The following CNTN4 variants were observed in gnomAD, a reference collection of about 807,000 sequenced individuals.
The protein encoded by CNTN4 is contactin 4.
CNTN4 carries 77 observed loss-of-function variants against 122.5 expected under a neutral mutation model. The observed-to-expected ratio is 0.63, with a 90% CI of 0.52 to 0.76. The LOEUF (loss-of-function observed/expected upper bound fraction) is 0.76, where lower values mean the gene tolerates loss of function less well. CNTN4 is among the 30% of genes least tolerant of loss of function. CNTN4 has a pLI of 0.00. For synonymous variants in CNTN4, 512 were observed against 447.0 expected (o/e 1.15, Z -1.83); for missense variants, 1,256 against 1,259.1 (o/e 1.00, Z 0.04).
intron 4 of CNTN4, among the ~76,000 whole-genome samples, chr3:2,654,617 G>C (rs1046244007): frequency 6.6e-6 from 1 of 152,132 alleles, no homozygotes; most frequent in Non-Finnish European, 1.5e-5. Flanking sequence ...CAAGCATTCA[G>C]CCCTGCTCAC....
chr3:2,542,341 A>T (rs1473930057), intron 3 of CNTN4, among the ~76,000 whole-genome samples: 1 of 152,130 alleles, frequency 6.6e-6, no homozygotes, highest in East Asian at 1.9e-4. Context: ...CCATGGACTC[A>T]GGTTGAAAGG....
intron 3 of CNTN4, among the ~76,000 whole-genome samples, chr3:2,568,588 ACT>A (rs1480181367): frequency 2.0e-5 from 3 of 151,982 alleles, no homozygotes; most frequent in African/African-American, 7.3e-5. Context: ...TTTCTTTCTG[ACT>A]CTGACAGAAA....
chr3:2,247,430 A>C (rs1331571873), intron 2 of CNTN4, among the ~76,000 whole-genome samples: 3 of 152,024 alleles, frequency 2.0e-5, no homozygotes, highest in Non-Finnish European at 4.4e-5. Flanking sequence ...ATATGGACTT[A>C]AAATAATGCT....
At chr3:2,708,727 TCACACACACACACACACACACA>T (rs10530575) in intron 4 of CNTN4, among the ~76,000 whole-genome samples, 83,407 of 150,978 alleles carry the variant, frequency 0.55, 23,635 homozygotes, top group East Asian at 0.71. Flanking sequence ...CACGCGCGCA[TCACACACACACACACACACACA>T]CACACACACA....
chr3:2,315,878 C>G (rs1346729742), intron 2 of CNTN4, among the ~76,000 whole-genome samples: 3 of 151,982 alleles, frequency 2.0e-5, no homozygotes, highest in African/African-American at 7.2e-5. Context: ...ATTTATAAGG[C>G]AGAATTCCTT....
intron 4 of CNTN4, among the ~76,000 whole-genome samples, chr3:2,725,443 A>G (rs747697772): frequency 6.6e-6 from 1 of 152,216 alleles, no homozygotes; most frequent in Non-Finnish European, 1.5e-5. Flanking sequence ...ACACAAATGC[A>G]TATTGAAGGC....
At chr3:2,608,581 A>G (rs2081352472) in intron 4 of CNTN4, among the ~76,000 whole-genome samples, 1 of 152,178 alleles carries the variant, frequency 6.6e-6, no homozygotes, top group Non-Finnish European at 1.5e-5. Context: ...TCATGGGTTT[A>G]AGCAATTTTC....
At chr3:2,384,761 C>CGTGTGCGT (rs2046176075) in intron 3 of CNTN4, among the ~76,000 whole-genome samples, 1 of 147,808 alleles carries the variant, frequency 6.8e-6, no homozygotes, top group South Asian at 2.2e-4. Flanking sequence ...TCAATGTGTG[C>CGTGTGCGT]GTGTGTGTGT....
chr3:2,190,847 C>T (rs912768299), intron 2 of CNTN4, among the ~76,000 whole-genome samples: 33 of 149,362 alleles, frequency 2.2e-4, no homozygotes, highest in Admixed American at 1.9e-3. Context: ...CACACACACA[C>T]ATAAATATAT....
intron 2 of CNTN4, among the ~76,000 whole-genome samples, chr3:2,264,345 A>G (rs967795334): frequency 6.6e-6 from 1 of 151,830 alleles, no homozygotes; most frequent in Non-Finnish European, 1.5e-5. Context: ...TGTGTTTTTT[A>G]CTTGTACTTT....
intron 15 of CNTN4, 83 bp from the exon 16 acceptor site, chr3:3,030,772 A>C: frequency 6.8e-7 from 1 of 1,475,100 alleles, no homozygotes; most frequent in South Asian, 1.1e-5. Context: ...AAATAAATCC[A>C]TTAGTCACCG....
At chr3:2,207,616 G>A (rs142239723) in intron 2 of CNTN4, among the ~76,000 whole-genome samples, 144 of 152,184 alleles carry the variant, frequency 9.5e-4, no homozygotes, top group African/African-American at 3.3e-3. Flanking sequence ...TAAGGAAACT[G>A]CAAAAAGAAA....
At chr3:2,890,082 C>G (rs767347080) in intron 10 of CNTN4, among the ~76,000 whole-genome samples, 7 of 152,242 alleles carry the variant, frequency 4.6e-5, no homozygotes, top group Non-Finnish European at 1.0e-4. Flanking sequence ...GCTCACTTGT[C>G]AGCCACGCTT....
intron 3 of CNTN4, among the ~76,000 whole-genome samples, chr3:2,497,165 A>G (rs900041173): frequency 2.6e-5 from 4 of 152,126 alleles, no homozygotes; most frequent in African/African-American, 9.7e-5. Flanking sequence ...TAATTTAACT[A>G]TCACTTCCTT....
intron 4 of CNTN4, among the ~76,000 whole-genome samples, chr3:2,685,787 C>A (rs6807274): frequency 0.48 from 72,878 of 151,918 alleles, 20,131 homozygotes; most frequent in Non-Finnish European, 0.62. Flanking sequence ...ATCACATCAG[C>A]AAGGAATTAA....
At chr3:2,645,843 C>A (rs1479544) in intron 4 of CNTN4, among the ~76,000 whole-genome samples, 1 of 152,134 alleles carries the variant, frequency 6.6e-6, no homozygotes, top group African/African-American at 2.4e-5. Context: ...CTGTTTTCAC[C>A]CTCTGACCTT....
intron 7 of CNTN4, among the ~76,000 whole-genome samples, chr3:2,820,582 A>G (rs2092840742): frequency 6.6e-6 from 1 of 152,142 alleles, no homozygotes; most frequent in African/African-American, 2.4e-5. Context: ...GGAGGCTGAA[A>G]GTTCCAACCC....
chr3:3,044,194 C>G (rs763110485), intron 23 of CNTN4, among the ~76,000 whole-genome samples: 1 of 152,174 alleles, frequency 6.6e-6, no homozygotes, highest in Non-Finnish European at 1.5e-5. Flanking sequence ...TAAATGTTGG[C>G]TTGTCTTTAA....
intron 3 of CNTN4, among the ~76,000 whole-genome samples, chr3:2,454,904 G>A (rs1009362283): frequency 3.9e-5 from 6 of 152,116 alleles, no homozygotes; most frequent in African/African-American, 1.4e-4. Context: ...TGTAAGTAGT[G>A]GGTGAGTAAT....
Sources: allele counts gnomAD v4.1 joint callset (sites outside exome capture counted in the v4.1 genomes callset), GRCh38; gene constraint gnomAD v4.1.1; transcripts MANE v1.5; gene names NCBI Gene and HGNC (gene_info 2026-07-23, HGNC 2026-07-21).